Variants in RHBDD1 observed in about 807,000 individuals in gnomAD.
The protein encoded by RHBDD1 is rhomboid domain containing 1.
Under a neutral mutation model 36.3 loss-of-function variants are expected in RHBDD1, and 38 were observed. The observed-to-expected ratio is 1.05, with a 90% CI of 0.81 to 1.37. The LOEUF (loss-of-function observed/expected upper bound fraction) is 1.37. Among genes scored for constraint, RHBDD1 ranks in the 40% most tolerant of loss-of-function variants. RHBDD1 has a pLI of 0.00. For missense variants in RHBDD1, 393 were observed against 377.6 expected (o/e 1.04, Z -0.34); for synonymous variants, 151 against 136.5 (o/e 1.11, Z -0.74).
At chr2:226,844,663 G>A (rs1171221806) in intron 3 of RHBDD1, among the ~76,000 whole-genome samples, 2 of 152,222 alleles carry the variant, frequency 1.3e-5, no homozygotes, top group Non-Finnish European at 2.9e-5. Flanking sequence ...TGTTGAAGGA[G>A]CGATCATGGG....
At chr2:226,808,664 G>A in the RHBDD1 span, 3 of 152,190 alleles carry the variant, frequency 2.0e-5, no homozygotes, top group African/African-American at 7.2e-5. Context: ...AGACCATCTC[G>A]AGAGTTAACA....
chr2:226,822,217 T>G, the RHBDD1 span, among the ~76,000 whole-genome samples: 2 of 152,268 alleles, frequency 1.3e-5, no homozygotes, highest in African/African-American at 4.8e-5. Flanking sequence ...AGTCCCACTC[T>G]GTAATAGCTT....
chr2:226,812,533 C>T, the RHBDD1 span, among the ~76,000 whole-genome samples: 23 of 152,264 alleles, frequency 1.5e-4, no homozygotes, highest in East Asian at 2.1e-3. Flanking sequence ...TATTGAAATA[C>T]GCATAGCCGT....
intron 5 of RHBDD1, among the ~76,000 whole-genome samples, chr2:226,873,907 T>C (rs545669089): frequency 6.6e-6 from 1 of 152,316 alleles, no homozygotes; most frequent in South Asian, 2.1e-4. Flanking sequence ...GGGTGATTTA[T>C]AAACCAAAGA....
At chr2:226,889,246 G>A (rs1214396294) in intron 5 of RHBDD1, among the ~76,000 whole-genome samples, 4 of 152,142 alleles carry the variant, frequency 2.6e-5, no homozygotes, top group Non-Finnish European at 4.4e-5. Flanking sequence ...TCACCCATTC[G>A]GCTAGAGGTG....
At chr2:226,848,356 T>A (rs2125053484) in intron 3 of RHBDD1, among the ~76,000 whole-genome samples, 1 of 152,316 alleles carries the variant, frequency 6.6e-6, no homozygotes, top group South Asian at 2.1e-4. Flanking sequence ...AGTCACCAGG[T>A]ACCTTTCTTG....
At position 226,856,056 on chromosome 2, in the gene RHBDD1, A is replaced by AGT. The variant is rs1409564192; in HGVS notation, c.-90-8548_-90-8547insGT. Among the ~76,000 whole-genome samples, 8 of 152,322 alleles carry AGT rather than the reference A, an allele frequency of 5.3e-5. No individual in the cohort carries two copies. In the East Asian group the frequency reaches 1.5e-3, roughly 29 times the overall value. ...AGTCATCAAATAATTATGCTGTCTA[A>AGT]CTAAGATTCCACACTATACCCCCAG... On this transcript the variant is annotated intron_variant, in intron 3 of 8. Transcript: ENST00000392062.
intron 8 of RHBDD1, among the ~76,000 whole-genome samples, chr2:226,917,303 A>G (rs1948983133): frequency 6.6e-6 from 1 of 152,120 alleles, no homozygotes; most frequent in Non-Finnish European, 1.5e-5. Flanking sequence ...TCGAGAGTAT[A>G]CTGAACAGAA....
intron 8 of RHBDD1, among the ~76,000 whole-genome samples, chr2:226,977,000 C>T (rs1164257069): frequency 6.6e-6 from 1 of 152,198 alleles, no homozygotes; most frequent in Non-Finnish European, 1.5e-5. Flanking sequence ...GCACAAGACT[C>T]GGGTTCCTGG....
At chr2:226,978,336 G>T (rs1954964674) in intron 8 of RHBDD1, among the ~76,000 whole-genome samples, 1 of 151,792 alleles carries the variant, frequency 6.6e-6, no homozygotes, top group Non-Finnish European at 1.5e-5. Context: ...CTAATTTTTT[G>T]CCAAGCCACT....
At chr2:226,887,313 A>G (rs974459022) in intron 5 of RHBDD1, among the ~76,000 whole-genome samples, 9 of 152,204 alleles carry the variant, frequency 5.9e-5, no homozygotes, top group African/African-American at 1.9e-4. Flanking sequence ...GATGTGTTCT[A>G]ATTGCATCTG....
intron 8 of RHBDD1, among the ~76,000 whole-genome samples, chr2:226,974,673 A>T (rs1954232516): frequency 6.6e-6 from 1 of 152,160 alleles, no homozygotes; most frequent in Admixed American, 6.5e-5. Flanking sequence ...ATGGGAAGGT[A>T]CCTGTGGAAG....
chr2:226,919,160 G>GGTTT (rs1949127056), intron 8 of RHBDD1, among the ~76,000 whole-genome samples: 1 of 151,890 alleles, frequency 6.6e-6, no homozygotes, highest in Non-Finnish European at 1.5e-5. Flanking sequence ...TTAAAAATTA[G>GGTTT]ATTATTAGGT....
At chr2:226,826,355 AG>A in the RHBDD1 span, among the ~76,000 whole-genome samples, 1 of 152,164 alleles carries the variant, frequency 6.6e-6, no homozygotes, top group Non-Finnish European at 1.5e-5. Context: ...ATTAATTGAG[AG>A]TTGATTAGTG....
intron 8 of RHBDD1, among the ~76,000 whole-genome samples, chr2:226,948,748 T>A (rs1303281437): frequency 6.6e-6 from 1 of 152,066 alleles, no homozygotes; most frequent in African/African-American, 2.4e-5. Context: ...AAGGTTGCCC[T>A]CTCTCACCAC....
chr2:226,830,721 T>G (rs563873689), upstream of RHBDD1, among the ~76,000 whole-genome samples: 9 of 152,198 alleles, frequency 5.9e-5, no homozygotes, highest in Non-Finnish European at 1.3e-4. Flanking sequence ...TGACTTAGGC[T>G]GGACTGCAGT....
chr2:226,812,818 A>T, the RHBDD1 span, among the ~76,000 whole-genome samples: 5 of 152,240 alleles, frequency 3.3e-5, no homozygotes, highest in Non-Finnish European at 5.9e-5. Flanking sequence ...ACTTGGGTTA[A>T]GCCATGATAA....
the RHBDD1 span, among the ~76,000 whole-genome samples, chr2:226,824,520 A>T: frequency 1.3e-5 from 2 of 152,232 alleles, no homozygotes. Context: ...ACATTAAAAC[A>T]GAAAAGGAAG....
At chr2:226,826,768 C>T in the RHBDD1 span, among the ~76,000 whole-genome samples, 1 of 152,244 alleles carries the variant, frequency 6.6e-6, no homozygotes, top group East Asian at 1.9e-4. Flanking sequence ...GATCTGCCTG[C>T]CTCGGCCTCC....
Sources: allele counts gnomAD v4.1 joint callset (sites outside exome capture counted in the v4.1 genomes callset), GRCh38; gene constraint gnomAD v4.1.1; transcripts MANE v1.5; gene names NCBI Gene and HGNC (gene_info 2026-07-23, HGNC 2026-07-21).